Variants in CD302 observed in about 807,000 individuals in gnomAD.
CD302 encodes CD302 antigen.
Under a neutral mutation model 26.5 loss-of-function variants are expected in CD302, and 23 were observed. That is an observed-to-expected ratio of 0.87 (90% confidence interval 0.62 to 1.23). CD302 has a LOEUF of 1.23. Ranked by LOEUF, CD302 falls within the 50% of genes most tolerant of loss-of-function variation. The pLI is 0.00. For synonymous variants in CD302, 90 were observed against 99.4 expected (o/e 0.91, Z 0.56); for missense variants, 290 against 275.5 (o/e 1.05, Z -0.37).
At chr2:159,796,005 C>T (rs1708946240) in intron 1 of CD302, among the ~76,000 whole-genome samples, 1 of 152,226 alleles carries the variant, frequency 6.6e-6, no homozygotes, top group Non-Finnish European at 1.5e-5. Context: ...CATGGATTTT[C>T]ACTCAGGAAT....
chr2:159,794,302 T>TAAAATAAAATAAAATAAAAG (rs10656352), intron 1 of CD302, among the ~76,000 whole-genome samples: 1 of 113,460 alleles, frequency 8.8e-6, no homozygotes, highest in African/African-American at 3.4e-5. Context: ...TAAAATAAAA[T>TAAAATAAAATAAAATAAAAG]AATAAAAAAA....
intron 1 of CD302, among the ~76,000 whole-genome samples, chr2:159,795,683 C>T (rs534623126): frequency 2.0e-5 from 3 of 152,140 alleles, no homozygotes; most frequent in Non-Finnish European, 2.9e-5. Flanking sequence ...GTGGTGTGCA[C>T]AGAAGGACCA....
intron 5 of CD302, among the ~76,000 whole-genome samples, chr2:159,774,988 T>G (rs895592151): frequency 6.6e-6 from 1 of 152,226 alleles, no homozygotes; most frequent in African/African-American, 2.4e-5. Context: ...ACTTTAGGTC[T>G]TCATTATGCA....
At chr2:159,792,552 T>A (rs912638199) in intron 1 of CD302, among the ~76,000 whole-genome samples, 2 of 151,762 alleles carry the variant, frequency 1.3e-5, no homozygotes, top group Non-Finnish European at 2.9e-5. Context: ...TTGCACAGTA[T>A]GGGAATGACT....
intron 5 of CD302, among the ~76,000 whole-genome samples, chr2:159,773,857 G>GT (rs527245812): frequency 1.3e-3 from 175 of 131,416 alleles, no homozygotes; most frequent in East Asian, 3.8e-3. Context: ...ATGAAATCCT[G>GT]TTTTTTTTAA....
At chr2:159,776,866 C>T (rs940038036) in intron 5 of CD302, among the ~76,000 whole-genome samples, 14 of 152,178 alleles carry the variant, frequency 9.2e-5, no homozygotes, top group African/African-American at 3.1e-4. Context: ...CCACCGTGCC[C>T]GGCTAAGTTT....
At chr2:159,796,222 A>T (rs1291734415) in intron 1 of CD302, among the ~76,000 whole-genome samples, 1 of 152,188 alleles carries the variant, frequency 6.6e-6, no homozygotes, top group Non-Finnish European at 1.5e-5. Flanking sequence ...CTCTTTCTTG[A>T]CTTAGTTCTA....
At position 159,770,810 on chromosome 2, in the gene CD302, A is replaced by G. The variant is rs1229054520; in HGVS notation, c.*1041T>C. On this transcript the variant is annotated 3_prime_UTR_variant, in exon 6 of 6. Coordinates refer to ENST00000259053, the MANE Select transcript of CD302 (RefSeq NM_014880.5). The stretch of plus-strand genomic sequence containing the variant: ...AAATACAAGCTGATTTTCACACAAG[A>G]TTCCCTAACTATGCATTTCTTAGAA... 1 of 152,176 alleles carries G rather than the reference A, an allele frequency of 6.6e-6. No individual in the cohort carries two copies. Among genetic ancestry groups the G allele is most frequent in the Non-Finnish European group, 1.5e-5 (1 of 68,012 alleles). The allele number at this position is 152,176 out of a possible 1,614,324, so 9.4% of individuals were successfully genotyped here.
chr2:159,781,147 T>C (rs1367508736), intron 2 of CD302, 149 bp from the exon 3 acceptor site: 1 of 655,646 alleles, frequency 1.5e-6, no homozygotes. Context: ...TACAAGCTAA[T>C]AAGGTTACAG....
chr2:159,782,825 T>G (rs996618686), intron 2 of CD302, among the ~76,000 whole-genome samples: 17 of 152,222 alleles, frequency 1.1e-4, no homozygotes, highest in African/African-American at 3.6e-4. Context: ...AGCCTTTTTA[T>G]AATTTTTCCT....
At chr2:159,778,190 T>C (rs67300624) in intron 4 of CD302, among the ~76,000 whole-genome samples, 1 of 151,986 alleles carries the variant, frequency 6.6e-6, no homozygotes, top group African/African-American at 2.4e-5. Context: ...ATGCATTAGC[T>C]TGGTTGGTGG....
intron 5 of CD302, among the ~76,000 whole-genome samples, chr2:159,777,351 A>G (rs1165161915): frequency 6.6e-6 from 1 of 152,252 alleles, no homozygotes. Flanking sequence ...CTGAATGGCT[A>G]AAAATAAATT....
chr2:159,779,260 T>C (rs1016159579), intron 4 of CD302, among the ~76,000 whole-genome samples: 2 of 137,282 alleles, frequency 1.5e-5, no homozygotes, highest in Non-Finnish European at 3.0e-5. Context: ...AAAAAAACCT[T>C]CTGACGGGTC....
chr2:159,798,138 C>A lies in CD302; in HGVS notation c.61G>T (p.Val21Phe). ...LPLLGLAAAAVADCPSSTWIQ... is the reference protein window; with the variant it reads ...LPLLGLAAAAFADCPSSTWIQ... ...GGACTACGTAAGGGCTTACCCGCGACGGCAGCAGCGGCGAGGCCCAGCAAC... is the reference window on the plus strand; with the variant it reads ...GGACTACGTAAGGGCTTACCCGCGAAGGCAGCAGCGGCGAGGCCCAGCAAC... Residue 21 changes from valine to phenylalanine, a missense_variant, in exon 1 of 6, where the codon GTC becomes TTC. Val to Phe is a conservative substitution (Grantham distance 50). Transcript: ENST00000259053. 1 of 1,485,848 alleles carries A rather than the reference C, an allele frequency of 6.7e-7. No individual in the cohort carries two copies. Among genetic ancestry groups the A allele is most frequent in the Non-Finnish European group, 8.9e-7 (1 of 1,123,702 alleles). 92.0% of individuals were successfully genotyped at this position (1,485,848 alleles called of 1,614,324 possible). A position where few individuals can be genotyped will look rare whatever the true frequency, so the allele number is the denominator to read the frequency against.
intron 5 of CD302, among the ~76,000 whole-genome samples, chr2:159,777,375 T>A (rs1239923096): frequency 6.6e-6 from 1 of 152,222 alleles, no homozygotes; most frequent in African/African-American, 2.4e-5. Context: ...AATACCATCA[T>A]GGGATGAACA....
intron 5 of CD302, among the ~76,000 whole-genome samples, chr2:159,776,773 C>T (rs1708345227): frequency 6.8e-6 from 1 of 146,034 alleles, no homozygotes; most frequent in South Asian, 2.1e-4. Context: ...GGCGTGATCT[C>T]GGCTCACTGC....
At chr2:159,798,038 C>A in intron 1 of CD302, 94 bp downstream of exon 1, 2 of 1,232,526 alleles carry the variant, frequency 1.6e-6, no homozygotes, top group Non-Finnish European at 1.1e-6. Flanking sequence ...CGTCTGCGGG[C>A]CGCCCTCGGG....
intron 1 of CD302, among the ~76,000 whole-genome samples, chr2:159,791,099 T>A (rs183796643): frequency 5.3e-5 from 8 of 152,356 alleles, no homozygotes; most frequent in Admixed American, 3.3e-4. Context: ...CTCCATGAAG[T>A]GTCTCAGCCT....
At chr2:159,798,110 G>A in intron 1 of CD302, 22 bp downstream of exon 1, 2 of 1,495,626 alleles carry the variant, frequency 1.3e-6, no homozygotes, top group Non-Finnish European at 1.8e-6. Flanking sequence ...CGGTCCCGGC[G>A]AGGGACTACG....
Sources: gnomAD v4.1 joint callset for allele counts (sites outside exome capture counted in the v4.1 genomes callset) on GRCh38, gnomAD v4.1.1 for gene constraint, MANE v1.5 for transcripts, NCBI Gene and HGNC (gene_info 2026-07-23, HGNC 2026-07-21) for gene names.